The following ZNF668 variants were observed in gnomAD, a reference collection of about 807,000 sequenced individuals.
The protein encoded by ZNF668 is zinc finger protein 668.
In ZNF668, 10 loss-of-function variants were observed where a neutral mutation model predicts 40.3. The ratio of observed to expected loss-of-function variants is 0.25; its 90% confidence interval spans 0.15 to 0.42. The LOEUF (loss-of-function observed/expected upper bound fraction) is 0.42, where lower values mean the gene tolerates loss of function less well. Among genes scored for constraint, ZNF668 ranks in the 10% least tolerant of loss-of-function variants. The pLI is 1.00. For synonymous variants in ZNF668, 428 were observed against 384.6 expected (o/e 1.11, Z -1.32); for missense variants, 749 against 904.6 (o/e 0.83, Z 2.21).
Position 31,062,217 on chromosome 16 carries a change from G to A in ZNF668, c.711C>T (p.Ser237=). The change falls in exon 3 of 3, where the codon TCC becomes TCT. Residue 237 remains serine, a synonymous_variant. Coordinates refer to ENST00000300849, the MANE Select transcript of ZNF668 (RefSeq NM_024706.5). ...GGATGCGCTGGTGGCACGTGAGCGAGGATGAGCGGGAGAAGCTCTTCCCGC... is the reference window on the plus strand; with the variant it reads ...GGATGCGCTGGTGGCACGTGAGCGAAGATGAGCGGGAGAAGCTCTTCCCGC... ...SECGKSFSRS[S]SLTCHQRIHA... 1 of 1,613,160 alleles carries A rather than the reference G, an allele frequency of 6.2e-7. No individual in the cohort carries two copies. The highest frequency in any genetic ancestry group is 1.1e-5 in the South Asian group (1 of 91,008).
At chr16:31,069,770 AT>A (rs57798819) in intron 1 of ZNF668, among the ~76,000 whole-genome samples, 26,097 of 84,278 alleles carry the variant, frequency 0.31, 3,423 homozygotes, top group South Asian at 0.59. Context: ...ACGCCCGGCT[AT>A]TTTTTTTTTT....
intron 1 of ZNF668, among the ~76,000 whole-genome samples, chr16:31,068,413 G>T (rs536853010): frequency 6.7e-6 from 1 of 150,122 alleles, no homozygotes; most frequent in Admixed American, 6.7e-5. Flanking sequence ...TAGTAGAGAC[G>T]GGGTTTCACT....
chr16:31,068,611 G>A (rs889788335), intron 1 of ZNF668, among the ~76,000 whole-genome samples: 1 of 145,870 alleles, frequency 6.9e-6, no homozygotes, highest in Non-Finnish European at 1.5e-5. Flanking sequence ...CAATACTTTT[G>A]TTTGTTTGGT....
At position 31,064,182 on chromosome 16, in the gene ZNF668, T is replaced by C; in HGVS notation, c.278A>G (p.Tyr93Cys). The C allele has an allele frequency of 1.2e-6, 2 of 1,611,892 alleles. No homozygotes were observed. Among genetic ancestry groups the C allele is most frequent in the Non-Finnish European group, 1.7e-6 (2 of 1,179,928 alleles). Residue 93 changes from tyrosine (Y) to cysteine (C), a missense_variant, in exon 2 of 3, where the codon TAC becomes TGC. This residue lies in a region of ZNF668 where 159 missense variants were observed against 139.8 expected (regional missense o/e 1.14). Transcript: ENST00000300849. ...GCTGCGCAGCTCGGGTGCCGTCTTG[T>C]AGGCCTTGGGGCATAGCGGACACGC... Reference protein sequence around the residue: ...PYACPLCPKAYKTAPELRSHG... With the variant: ...PYACPLCPKACKTAPELRSHG...
chr16:31,062,297 G>A lies in ZNF668; in HGVS notation c.648-17C>T. ...GTGTGGGACCTGCGGGGGTGTGGAGGACTTGGCATGAAGGCGACAGACCCA... is the reference window on the plus strand; with the variant it reads ...GTGTGGGACCTGCGGGGGTGTGGAGAACTTGGCATGAAGGCGACAGACCCA... On this transcript the variant is annotated splice_polypyrimidine_tract_variant and intron_variant, in intron 2 of 2. Transcript: ENST00000300849. The A allele has an allele frequency of 6.3e-7, 1 of 1,577,302 alleles. No individual in the cohort carries two copies. Among genetic ancestry groups the A allele is most frequent in the South Asian group, 1.2e-5 (1 of 86,384 alleles).
rs760159552 is a variant in ZNF668, at chr16:31,063,788, G to GCCCTGCCCCGGAAGGCA, written c.647+8_647+24dup. 77 of 1,523,144 alleles carry GCCCTGCCCCGGAAGGCA rather than the reference G, an allele frequency of 5.1e-5. 1 individual carries two copies. In the South Asian group the frequency reaches 8.2e-4, roughly 16 times the overall value. 94.4% of individuals were successfully genotyped at this position (1,523,144 alleles called of 1,614,324 possible). On this transcript the variant is annotated intron_variant, in intron 2 of 2. Transcript: ENST00000300849. ...ACGCTGTCGCCCTGCCCCGGAAGGC[G>GCCCTGCCCCGGAAGGCA]CCCTGCCCCGGAAGGCACCCTCACC...
At chr16:31,068,239 A>AATATATAT (rs869069195) in intron 1 of ZNF668, among the ~76,000 whole-genome samples, 10 of 82,978 alleles carry the variant, frequency 1.2e-4, no homozygotes, top group African/African-American at 4.5e-4. Context: ...AAAAAAAAAA[A>AATATATAT]ATATATATAT....
intron 2 of ZNF668, chr16:31,062,894 A>G (rs986185899): frequency 2.0e-5 from 3 of 152,128 alleles, no homozygotes; most frequent in African/African-American, 7.2e-5. Context: ...CAGGAGTTCA[A>G]GACCAGTGTG....
intron 2 of ZNF668, 136 bp downstream of exon 2, chr16:31,063,677 G>A (rs2056954167): frequency 9.8e-7 from 1 of 1,022,738 alleles, no homozygotes; most frequent in East Asian, 2.7e-5. Flanking sequence ...CACATGCCTA[G>A]CCCCTCCCCT....
chr16:31,064,761 CTG>C (rs2056969431), intron 1 of ZNF668: 2 of 1,502,310 alleles, frequency 1.3e-6, no homozygotes, highest in Non-Finnish European at 1.8e-6. Context: ...TTTCCAAACA[CTG>C]TGGCATTCCC....
chr16:31,064,734 C>G (rs1463713907), intron 1 of ZNF668: 4 of 1,525,772 alleles, frequency 2.6e-6, no homozygotes, highest in Admixed American at 2.0e-5. Flanking sequence ...CACGTCCCCC[C>G]CCGCCCCCAA....
chr16:31,062,491 A>G (rs998895280), intron 2 of ZNF668: 11 of 664,022 alleles, frequency 1.7e-5, no homozygotes, highest in Admixed American at 1.0e-4. Flanking sequence ...ATTAAAGACC[A>G]AGATATGGGC....
chr16:31,069,057 G>A (rs1295251957), intron 1 of ZNF668: 1 of 152,038 alleles, frequency 6.6e-6, no homozygotes, highest in African/African-American at 2.4e-5. Flanking sequence ...CACACAGCTG[G>A]TCAAGGAGCC....
chr16:31,067,123 G>A (rs1474615013), intron 1 of ZNF668, among the ~76,000 whole-genome samples: 1 of 152,094 alleles, frequency 6.6e-6, no homozygotes, highest in Non-Finnish European at 1.5e-5. Flanking sequence ...GAAGGCTGAG[G>A]TAGGAGAAAT....
At chr16:31,062,411 T>C in intron 2 of ZNF668, 131 bp from the exon 3 acceptor site, 1 of 1,290,162 alleles carries the variant, frequency 7.8e-7, no homozygotes, top group South Asian at 1.5e-5. Flanking sequence ...AAGAGCCACA[T>C]GGCTGCACCC....
At chr16:31,071,618 T>G (rs2057015995) in intron 1 of ZNF668, among the ~76,000 whole-genome samples, 1 of 152,168 alleles carries the variant, frequency 6.6e-6, no homozygotes, top group Non-Finnish European at 1.5e-5. Context: ...GCTAATTTAT[T>G]AAAAATTCTT....
chr16:31,064,171 G>T lies in ZNF668; in HGVS notation c.289C>A (p.Pro97Thr). The change falls in exon 2 of 3, where the codon CCC (proline) becomes ACC (threonine). Residue 97 changes from proline to threonine, a missense_variant. By Grantham distance (38) the Pro-to-Thr change is conservative. Around this residue, in one of 4 missense-constraint regions of ZNF668, gnomAD observed 159 missense variants for 139.8 expected, o/e 1.14. Transcript: ENST00000300849. ...PLCPKAYKTAPELRSHGRSHT... is the reference protein window; with the variant it reads ...PLCPKAYKTATELRSHGRSHT... Reference sequence around the variant, plus strand: ...CTGCGCCCGTGGCTGCGCAGCTCGGGTGCCGTCTTGTAGGCCTTGGGGCAT... The same window carrying T: ...CTGCGCCCGTGGCTGCGCAGCTCGGTTGCCGTCTTGTAGGCCTTGGGGCAT... 3 of 1,610,748 alleles carry T rather than the reference G, an allele frequency of 1.9e-6. No homozygotes were observed. Among genetic ancestry groups the T allele is most frequent in the Non-Finnish European group, 2.5e-6 (3 of 1,179,766 alleles).
intron 1 of ZNF668, among the ~76,000 whole-genome samples, chr16:31,065,245 C>G (rs763786002): frequency 1.3e-5 from 2 of 152,254 alleles, no homozygotes; most frequent in Non-Finnish European, 2.9e-5. Flanking sequence ...GATACCAGCT[C>G]TAGCTGAGAT....
chr16:31,064,055 A>G lies in ZNF668; in HGVS notation c.405T>C (p.Ala135=). 6.2e-7 allele frequency: 1 copy of G among 1,604,176 alleles called. No homozygotes were observed. The highest frequency in any genetic ancestry group is 8.5e-7 in the Non-Finnish European group (1 of 1,174,094). Reference sequence around the variant, plus strand: ...GCGCACAGCGGAAGGGCAGTTCGCCAGCGTGCGAGGCCAGGTGCACGCGCA... The same window carrying G: ...GCGCACAGCGGAAGGGCAGTTCGCCGGCGTGCGAGGCCAGGTGCACGCGCA... ...VCLRVHLASH[A]GELPFRCAHC... is the part of the protein sequence containing the mutation. The change falls in exon 2 of 3, where the codon GCT becomes GCC. Residue 135 remains alanine (A), a synonymous_variant. Coordinates refer to ENST00000300849, the MANE Select transcript of ZNF668 (RefSeq NM_024706.5).
Sources: gnomAD v4.1 joint callset for allele counts (sites outside exome capture counted in the v4.1 genomes callset) on GRCh38, gnomAD v4.1.1 for gene constraint, gnomAD v4.1.1 regional missense constraint, MANE v1.5 for transcripts, NCBI Gene and HGNC (gene_info 2026-07-23, HGNC 2026-07-21) for gene names.